TTC23L: variants seen among roughly 807,000 people sequenced by gnomAD.
The protein encoded by TTC23L is tetratricopeptide repeat domain 23 like.
In TTC23L, 42 loss-of-function variants were observed where a neutral mutation model predicts 48.1. The observed-to-expected ratio is 0.87, with a 90% CI of 0.68 to 1.13. The LOEUF (loss-of-function observed/expected upper bound fraction) is 1.13. Ranked by LOEUF, TTC23L falls within the 50% of genes most tolerant of loss-of-function variation. The pLI is 0.00. For synonymous variants in TTC23L, 159 were observed against 157.2 expected (o/e 1.01, Z -0.09); for missense variants, 391 against 421.0 (o/e 0.93, Z 0.62).
intron 5 of TTC23L, among the ~76,000 whole-genome samples, 164 bp from the exon 6 acceptor site, chr5:34,864,273 T>G (rs545009343): frequency 6.6e-6 from 1 of 152,346 alleles, no homozygotes; most frequent in South Asian, 2.1e-4. Flanking sequence ...TAAAGAATTC[T>G]TGCTTCTTGA....
downstream of TTC23L, among the ~76,000 whole-genome samples, chr5:34,901,220 ACTC>A (rs1490535685): frequency 6.6e-6 from 1 of 151,632 alleles, no homozygotes; most frequent in Non-Finnish European, 1.5e-5. Context: ...TTGTCAAAAA[ACTC>A]CAAAAAAAAA....
intron 9 of TTC23L, among the ~76,000 whole-genome samples, chr5:34,882,852 C>A (rs903791573): frequency 6.6e-6 from 1 of 152,028 alleles, no homozygotes; most frequent in African/African-American, 2.4e-5. Context: ...CCAGCCTGGG[C>A]AACAAAGTGA....
chr5:34,901,655 G>A (rs6885577), downstream of TTC23L, among the ~76,000 whole-genome samples: 19 of 152,166 alleles, frequency 1.2e-4, no homozygotes, highest in African/African-American at 3.6e-4. Flanking sequence ...CCAGCTACTC[G>A]GGAGGCTGGG....
chr5:34,846,778 T>C (rs1359104914), intron 3 of TTC23L, among the ~76,000 whole-genome samples: 1 of 141,954 alleles, frequency 7.0e-6, no homozygotes, highest in African/African-American at 2.7e-5. Flanking sequence ...AGGCAGGAGG[T>C]TGAGAACAGG....
At chr5:34,880,340 T>C (rs780875865) in intron 9 of TTC23L, 32 bp downstream of exon 9, 1 of 1,581,010 alleles carries the variant, frequency 6.3e-7, no homozygotes, top group South Asian at 1.2e-5. Flanking sequence ...ACAGAATTGC[T>C]AGTTTGTTTA....
chr5:34,915,663 C>T, the TTC23L span: 1 of 1,469,154 alleles, frequency 6.8e-7, no homozygotes, highest in South Asian at 1.4e-5. Flanking sequence ...CTTAGAGCCG[C>T]CGAACCATAG....
chr5:34,889,093 G>T (rs954337262), intron 9 of TTC23L, among the ~76,000 whole-genome samples: 5 of 152,074 alleles, frequency 3.3e-5, no homozygotes, highest in Admixed American at 2.0e-4. Flanking sequence ...ATTGACATTT[G>T]TTTGTCTCAG....
At chr5:34,914,633 G>A in the TTC23L span, 105 of 1,542,626 alleles carry the variant, frequency 6.8e-5, no homozygotes, top group East Asian at 1.8e-3. Flanking sequence ...GAAACCTTCC[G>A]ATTTCATTAA....
chr5:34,924,847 A>G, the TTC23L span: 5 of 1,595,646 alleles, frequency 3.1e-6, no homozygotes, highest in Non-Finnish European at 4.3e-6. Context: ...TTTATTAAAG[A>G]TCATAGAAGA....
At chr5:34,902,491 A>G (rs1415313574), downstream of TTC23L, 6 of 259,536 alleles carry the variant, frequency 2.3e-5, no homozygotes, top group Admixed American at 4.0e-5. Context: ...ATCAACATCT[A>G]TATCAACGCA....
At chr5:34,849,315 T>C (rs933100636) in intron 3 of TTC23L, among the ~76,000 whole-genome samples, 1 of 152,194 alleles carries the variant, frequency 6.6e-6, no homozygotes, top group African/African-American at 2.4e-5. Flanking sequence ...TGAAGTCGTT[T>C]TGTAAAAAAA....
intron 9 of TTC23L, among the ~76,000 whole-genome samples, chr5:34,884,551 C>A (rs1288900839): frequency 6.6e-6 from 1 of 151,848 alleles, no homozygotes; most frequent in African/African-American, 2.4e-5. Context: ...CACAAACACA[C>A]ACACACAACC....
intron 4 of TTC23L, among the ~76,000 whole-genome samples, chr5:34,857,899 AG>A (rs1273419476): frequency 1.3e-5 from 2 of 152,214 alleles, no homozygotes; most frequent in Non-Finnish European, 2.9e-5. Context: ...ACCGTGCCAC[AG>A]TAACTGCTTA....
At chr5:34,848,020 A>G (rs1026324104) in intron 3 of TTC23L, among the ~76,000 whole-genome samples, 5 of 152,268 alleles carry the variant, frequency 3.3e-5, no homozygotes, top group African/African-American at 1.2e-4. Flanking sequence ...TCATTTGGAC[A>G]CTATTTTTTT....
chr5:34,876,438 C>A (rs1297363534), intron 8 of TTC23L, among the ~76,000 whole-genome samples: 1 of 150,088 alleles, frequency 6.7e-6, no homozygotes, highest in South Asian at 2.1e-4. Context: ...ACTACAGATC[C>A]AATGGACATT....
intron 4 of TTC23L, among the ~76,000 whole-genome samples, chr5:34,850,683 C>G (rs780405603): frequency 6.6e-6 from 1 of 152,120 alleles, no homozygotes; most frequent in Non-Finnish European, 1.5e-5. Context: ...GGGATGTACA[C>G]TCAGCATCAG....
At chr5:34,911,058 C>T in the TTC23L span, among the ~76,000 whole-genome samples, 1 of 152,186 alleles carries the variant, frequency 6.6e-6, no homozygotes, top group African/African-American at 2.4e-5. Flanking sequence ...TTCACATTTT[C>T]TTGGCTTCAC....
At chr5:34,905,736 C>T in the TTC23L span, 2 of 151,828 alleles carry the variant, frequency 1.3e-5, no homozygotes, top group African/African-American at 2.4e-5. Context: ...ACCAAAGTGT[C>T]GCCTGCTCTG....
the TTC23L span, chr5:34,916,712 A>AACT: frequency 6.6e-6 from 1 of 152,166 alleles, no homozygotes; most frequent in Non-Finnish European, 1.5e-5. Context: ...TTAGCATAGT[A>AACT]CTCTAGCGCG....
Sources: allele counts gnomAD v4.1 joint callset (sites outside exome capture counted in the v4.1 genomes callset), GRCh38; gene constraint gnomAD v4.1.1; transcripts MANE v1.5; gene names NCBI Gene and HGNC (gene_info 2026-07-23, HGNC 2026-07-21).